Variants in KLHL13 observed in about 807,000 individuals in gnomAD.
KLHL13 encodes the protein kelch-like protein 13.
KLHL13 carries 10 observed loss-of-function variants against 37.1 expected under a neutral mutation model. That is an observed-to-expected ratio of 0.27 (90% CI 0.17 to 0.46). KLHL13 has a LOEUF of 0.46. KLHL13 is among the 20% of genes least tolerant of loss of function. The pLI is 1.00. For missense variants in KLHL13, 360 were observed against 509.3 expected (o/e 0.71, Z 2.82); for synonymous variants, 163 against 181.2 (o/e 0.90, Z 0.81).
intron 2 of KLHL13, among the ~76,000 whole-genome samples, chrX:117,924,995 TTAAA>T (rs1931930180): frequency 9.0e-6 from 1 of 110,963 alleles, no homozygotes; most frequent in Non-Finnish European, 1.9e-5. Flanking sequence ...TCAACCTCTA[TTAAA>T]TAGAGAGAGG....
chrX:117,918,928 A>C lies in KLHL13; in HGVS notation c.570+593T>G, dbSNP rs61695629. ...CCTGCTTGTATAGTCATTAAGGTGA[A>C]TAAAACCAGATTATGGTACATACCA... On this transcript the variant is annotated intron_variant, in intron 4 of 6. Transcript: ENST00000262820. Among the ~76,000 whole-genome samples the C allele has an allele frequency of 8.3e-3, 937 of 112,336 alleles. 7 individuals are homozygous for C. Among genetic ancestry groups the C allele is most frequent in the African/African-American group, 0.029 (900 of 30,956 alleles).
chrX:117,954,345 C>T (rs749171664), intron 1 of KLHL13, among the ~76,000 whole-genome samples: 1 of 111,328 alleles, frequency 9.0e-6, no homozygotes, highest in African/African-American at 3.3e-5. Context: ...TCTCATTCTC[C>T]ACATTTCTTA....
intron 1 of KLHL13, among the ~76,000 whole-genome samples, chrX:118,097,115 A>G (rs1408063693): frequency 9.0e-6 from 1 of 111,436 alleles, no homozygotes; most frequent in Non-Finnish European, 1.9e-5. Context: ...AGGGCATTCA[A>G]TTAGGAAAAG....
intron 1 of KLHL13, among the ~76,000 whole-genome samples, chrX:118,031,857 T>G (rs780585015): frequency 1.9e-5 from 2 of 108,045 alleles, no homozygotes; most frequent in Admixed American, 2.0e-4. Flanking sequence ...GGAGTGCCAG[T>G]CAGTGGGTGC....
chrX:118,067,446 T>TA (rs199759098), intron 1 of KLHL13, among the ~76,000 whole-genome samples: 9,203 of 110,696 alleles, frequency 0.083, 349 homozygotes, highest in Middle Eastern at 0.13. Flanking sequence ...ACTAAATTTA[T>TA]AAAAAAATTT....
intron 1 of KLHL13, among the ~76,000 whole-genome samples, chrX:118,099,705 C>T (rs2055261425): frequency 9.1e-6 from 1 of 110,393 alleles, no homozygotes; most frequent in African/African-American, 3.3e-5. Context: ...GTAGTCCCAG[C>T]AACTTGGTGG....
At chrX:118,111,384 A>C (rs771558420) in intron 1 of KLHL13, among the ~76,000 whole-genome samples, 42 of 113,152 alleles carry the variant, frequency 3.7e-4, no homozygotes, top group Non-Finnish European at 6.2e-4. Flanking sequence ...TTTTGCCACC[A>C]CATGAGTTTT....
chrX:118,032,731 G>A (rs1184918403), intron 1 of KLHL13, among the ~76,000 whole-genome samples: 2 of 112,402 alleles, frequency 1.8e-5, no homozygotes, highest in Non-Finnish European at 3.8e-5. Flanking sequence ...ACGGAACAAA[G>A]CTGGACGGAG....
intron 4 of KLHL13, among the ~76,000 whole-genome samples, chrX:117,913,892 G>A (rs1439544578): frequency 9.3e-6 from 1 of 108,059 alleles, no homozygotes; most frequent in Non-Finnish European, 1.9e-5. Context: ...AACTCTTCAA[G>A]CACCTGTGGG....
chrX:118,058,897 A>G (rs1221591762), intron 1 of KLHL13, among the ~76,000 whole-genome samples: 2 of 111,841 alleles, frequency 1.8e-5, no homozygotes, highest in East Asian at 5.6e-4. Flanking sequence ...CAGAGACAGA[A>G]TAGATATCAC....
chrX:117,908,525 T>C (rs185469059), intron 5 of KLHL13, among the ~76,000 whole-genome samples: 5 of 111,101 alleles, frequency 4.5e-5, no homozygotes, highest in Admixed American at 2.9e-4. Context: ...TGTCACAACA[T>C]AAAATGTGGA....
At chrX:118,048,284 A>G (rs768884542) in intron 1 of KLHL13, among the ~76,000 whole-genome samples, 1 of 112,111 alleles carries the variant, frequency 8.9e-6, no homozygotes, top group African/African-American at 3.2e-5. Context: ...TAAACTGAAG[A>G]AGTAAACAAG....
chrX:118,020,255 A>C (rs1458333172), intron 1 of KLHL13, among the ~76,000 whole-genome samples: 1 of 110,658 alleles, frequency 9.0e-6, no homozygotes, highest in Non-Finnish European at 1.9e-5. Flanking sequence ...CTTTGAAGCA[A>C]TTGTGAATTG....
At chrX:118,076,285 A>C (rs1423332074) in intron 1 of KLHL13, among the ~76,000 whole-genome samples, 1 of 111,671 alleles carries the variant, frequency 9.0e-6, no homozygotes, top group East Asian at 2.8e-4. Context: ...GATTTTTTTT[A>C]AATGTGACTG....
intron 1 of KLHL13, among the ~76,000 whole-genome samples, chrX:118,089,134 C>G (rs1393035076): frequency 9.0e-6 from 1 of 111,545 alleles, no homozygotes; most frequent in Admixed American, 9.6e-5. Context: ...CCCTCATCCA[C>G]GTCACCAAAG....
intron 1 of KLHL13, among the ~76,000 whole-genome samples, chrX:118,082,499 A>G (rs746435640): frequency 9.0e-6 from 1 of 110,987 alleles, no homozygotes; most frequent in Non-Finnish European, 1.9e-5. Context: ...CATATTCTGG[A>G]TATTATCTCC....
intron 1 of KLHL13, among the ~76,000 whole-genome samples, chrX:118,017,228 C>T (rs192933144): frequency 1.8e-4 from 20 of 111,491 alleles, no homozygotes; most frequent in African/African-American, 5.8e-4. Context: ...CCTCTCCTAA[C>T]TCATCTCCAG....
intron 1 of KLHL13, among the ~76,000 whole-genome samples, chrX:118,052,091 CAGT>C (rs1217819566): frequency 1.8e-5 from 2 of 111,397 alleles, no homozygotes; most frequent in African/African-American, 6.5e-5. Context: ...CAATTGAAAT[CAGT>C]AGGAAGATAA....
At chrX:117,904,451 C>A (rs2147612499) in intron 5 of KLHL13, among the ~76,000 whole-genome samples, 1 of 111,085 alleles carries the variant, frequency 9.0e-6, no homozygotes, top group East Asian at 2.8e-4. Flanking sequence ...CAAAGCAGTG[C>A]TTCAATCGTA....
Sources: gnomAD v4.1 joint callset for allele counts (sites outside exome capture counted in the v4.1 genomes callset) on GRCh38, gnomAD v4.1.1 for gene constraint, MANE v1.5 for transcripts, NCBI Gene and HGNC (gene_info 2026-07-23, HGNC 2026-07-21) for gene names.